Variants in IQSEC3 observed in about 807,000 individuals in gnomAD.
The protein encoded by IQSEC3 is IQ motif and SEC7 domain-containing protein 3.
IQSEC3 carries 50 observed loss-of-function variants against 105.4 expected under a neutral mutation model. The observed-to-expected ratio is 0.47, with a 90% CI of 0.38 to 0.60. The LOEUF is 0.60. Among genes scored for constraint, IQSEC3 ranks in the 20% least tolerant of loss-of-function variants. The pLI, the probability that IQSEC3 is intolerant of heterozygous loss-of-function variation, is 0.00. For synonymous variants in IQSEC3, 708 were observed against 746.0 expected, an observed-to-expected ratio of 0.95 and a Z score of 0.83; for missense variants, 1,415 against 1,630.0, an observed-to-expected ratio of 0.87 and a Z score of 2.27.
At chr12:171,421 C>T in intron 13 of IQSEC3, 1 of 1,159,204 alleles carries the variant, frequency 8.6e-7, no homozygotes, top group South Asian at 1.4e-5. Context: ...CAGACTAACA[C>T]AGTGGAGACG....
chr12:172,207 CTT>C (rs1939040288), intron 13 of IQSEC3, among the ~76,000 whole-genome samples: 2 of 152,036 alleles, frequency 1.3e-5, no homozygotes, highest in South Asian at 4.2e-4. Flanking sequence ...AGCTCAGTGT[CTT>C]CTCTCTCCCC....
chr12:82,332 A>G (rs1863772505), intron 1 of IQSEC3, among the ~76,000 whole-genome samples: 1 of 152,182 alleles, frequency 6.6e-6, no homozygotes, highest in African/African-American at 2.4e-5. Context: ...CTGGCAAAAT[A>G]TATGTTTGAC....
chr12:168,706 G>A (rs1051835975), intron 11 of IQSEC3, among the ~76,000 whole-genome samples: 1 of 152,090 alleles, frequency 6.6e-6, no homozygotes, highest in Non-Finnish European at 1.5e-5. Flanking sequence ...AAACCACACA[G>A]CCAGGGAGTG....
At chr12:105,960 G>A (rs1864633914) in intron 2 of IQSEC3, among the ~76,000 whole-genome samples, 1 of 152,202 alleles carries the variant, frequency 6.6e-6, no homozygotes, top group African/African-American at 2.4e-5. Flanking sequence ...TGCTCGTTAA[G>A]GCACGCAACT....
At chr12:157,446 C>G (rs544704922) in intron 6 of IQSEC3, 82 bp from the exon 7 acceptor site, 3 of 1,449,520 alleles carry the variant, frequency 2.1e-6, no homozygotes, top group East Asian at 2.4e-5. Flanking sequence ...TGGGATACCC[C>G]CTGGACACCC....
At chr12:141,059 G>C (rs1489568517) in intron 4 of IQSEC3, 65 bp from the exon 5 acceptor site, 25 of 1,487,240 alleles carry the variant, frequency 1.7e-5, no homozygotes, top group East Asian at 2.3e-5. Flanking sequence ...GTGGAAGACA[G>C]GGAGGAAAGA....
chr12:161,818 A>G, intron 7 of IQSEC3, 108 bp from the exon 8 acceptor site: 1 of 1,159,712 alleles, frequency 8.6e-7, no homozygotes, highest in South Asian at 1.6e-5. Flanking sequence ...AACCAAGGCC[A>G]CCCCCCGGGA....
intron 1 of IQSEC3, among the ~76,000 whole-genome samples, chr12:76,415 T>G (rs1192118063): frequency 6.6e-6 from 1 of 152,372 alleles, no homozygotes; most frequent in African/African-American, 2.4e-5. Flanking sequence ...TGACTTGGGC[T>G]GGGGGAGTTG....
chr12:67,375 G>A lies in IQSEC3; in HGVS notation c.493G>A (p.Ala165Thr). Residue 165 changes from alanine (A) to threonine (T), a missense_variant, in exon 1 of 14, where the codon GCC becomes ACC. This residue lies in a region of IQSEC3 where 26 missense variants were observed against 108.1 expected (regional missense o/e 0.24). Transcript: ENST00000538872. ...CCCGAGTTGCTGCGCTGCTGCCGGA[G>A]CCCTCCTTCAGCACAAATCCCCCTC... ...RPPSCCAAAG[A>T]LLQHKSPSAL... The A allele has an allele frequency of 6.3e-7, 1 of 1,597,374 alleles. No homozygotes were observed. Among genetic ancestry groups the A allele is most frequent in the Non-Finnish European group, 8.5e-7 (1 of 1,179,232 alleles).
intron 3 of IQSEC3, among the ~76,000 whole-genome samples, chr12:137,036 G>T (rs11610625): frequency 1.5e-4 from 22 of 151,216 alleles, no homozygotes; most frequent in Non-Finnish European, 2.5e-4. Flanking sequence ...CCATGCCCCC[G>T]AGCCCACCCC....
chr12:165,880 C>A lies in IQSEC3; in HGVS notation c.2961C>A (p.Ile987=), dbSNP rs1565449716. The change falls in exon 11 of 14, where the codon ATC becomes ATA. Residue 987 remains isoleucine (I), a synonymous_variant. Transcript: ENST00000538872. ...SIAEVTELEQ[I]RIEWELEKQQ... ...CTGAGGTGACGGAGCTGGAGCAGAT[C>A]CGAATAGAGTGTAAGGACACGGGCT... 1.2e-6 allele frequency: 2 copies of A among 1,613,852 alleles called. No individual in the cohort carries two copies. The highest frequency in any genetic ancestry group is 1.7e-6 in the Non-Finnish European group (2 of 1,180,016).
rs1393311777 is a variant in IQSEC3 at position 139,075 on chromosome 12, C to T, written c.1712C>T (p.Thr571Ile). 3.5e-5 allele frequency: 53 copies of T among 1,495,074 alleles called. No homozygotes were observed. The highest frequency in any genetic ancestry group is 4.5e-5 in the Non-Finnish European group (50 of 1,121,244). The allele number at this position is 1,495,074 out of a possible 1,614,324, so 92.6% of individuals were successfully genotyped here. The change falls in exon 4 of 14, where the codon ACA becomes ATA. Residue 571 changes from threonine (T) to isoleucine (I), a missense_variant. Physicochemically the swap from Thr to Ile is moderately conservative, Grantham distance 89. This residue lies in a region of IQSEC3 where 720 missense variants were observed against 633.0 expected (regional missense o/e 1.14). Coordinates refer to ENST00000538872, the MANE Select transcript of IQSEC3 (RefSeq NM_001170738.2). ...GAADGATAPK[T>I]EEEEEEEETA... ...GCGGATGGGGCCACAGCCCCCAAAA[C>T]AGAGGAGGAAGAGGAGGAGGAGGAG... is the stretch of plus-strand genomic sequence containing the variant.
chr12:157,046 C>T lies in IQSEC3; in HGVS notation c.2175C>T (p.Asp725=). The part of the protein sequence containing the change: ...DVLDCVVDEM[D]FSSMELDEAL... Reference sequence around the variant, plus strand: ...TCAGCTGCGTGGTGGACGAGATGGACTTCTCCAGCATGGAGCTGGACGAGG... The same window carrying T: ...TCAGCTGCGTGGTGGACGAGATGGATTTCTCCAGCATGGAGCTGGACGAGG... Residue 725 remains aspartate, a synonymous_variant, in exon 6 of 14, where the codon GAC becomes GAT. Transcript: ENST00000538872. The T allele has an allele frequency of 1.2e-6, 2 of 1,605,570 alleles. No individual in the cohort carries two copies. Among genetic ancestry groups the T allele is most frequent in the Non-Finnish European group, 1.7e-6 (2 of 1,175,662 alleles).
rs1437840964 is a variant in IQSEC3 at position 162,084 on chromosome 12, C to T, written c.2583+19C>T. The T allele has an allele frequency of 6.2e-7, 1 of 1,612,450 alleles. No individual in the cohort carries two copies. The highest frequency in any genetic ancestry group is 1.3e-5 in the African/African-American group (1 of 75,032). ...GAAGACAGTGAGTGTCCACAAGCTA[C>T]CTATCTCCCGTCTCCTTTCCTTTCT... On this transcript the variant is annotated intron_variant, in intron 8 of 13. Transcript: ENST00000538872.
chr12:136,634 C>G (rs1555086472), intron 3 of IQSEC3, among the ~76,000 whole-genome samples: 1 of 152,168 alleles, frequency 6.6e-6, no homozygotes, highest in African/African-American at 2.4e-5. Context: ...ACGGGACGTC[C>G]CTGTTCTTGC....
intron 2 of IQSEC3, among the ~76,000 whole-genome samples, chr12:117,185 TCTC>T (rs1865075810): frequency 6.6e-6 from 1 of 152,076 alleles, no homozygotes; most frequent in Non-Finnish European, 1.5e-5. Flanking sequence ...GGAGCTCTCT[TCTC>T]CTGGGGTAAT....
chr12:163,948 G>A (rs1216820521), intron 9 of IQSEC3, among the ~76,000 whole-genome samples: 55 of 152,226 alleles, frequency 3.6e-4, no homozygotes, highest in Admixed American at 3.5e-3. Context: ...GCACAGGGCT[G>A]TGCCTCAGAC....
chr12:74,863 C>T (rs2136867369), intron 1 of IQSEC3, among the ~76,000 whole-genome samples: 1 of 152,404 alleles, frequency 6.6e-6, no homozygotes, highest in South Asian at 2.1e-4. Flanking sequence ...TCCAAACTAG[C>T]TAGTGTCAGA....
At chr12:144,901 G>A (rs782755013) in intron 5 of IQSEC3, among the ~76,000 whole-genome samples, 1 of 152,208 alleles carries the variant, frequency 6.6e-6, no homozygotes. Flanking sequence ...GTGCAACCAT[G>A]GCTCACTGCA....
Sources: gnomAD v4.1 joint callset for allele counts (sites outside exome capture counted in the v4.1 genomes callset) on GRCh38, gnomAD v4.1.1 for gene constraint, gnomAD v4.1.1 regional missense constraint, MANE v1.5 for transcripts, NCBI Gene and HGNC (gene_info 2026-07-23, HGNC 2026-07-21) for gene names.